PINX1: variants seen among roughly 807,000 people sequenced by gnomAD.
The protein encoded by PINX1 is PIN2/TERF1-interacting telomerase inhibitor 1.
In PINX1, 34 loss-of-function variants were observed where a neutral mutation model predicts 25.4. The observed-to-expected ratio is 1.34, with a 90% CI of 1.02 to 1.78. The LOEUF (loss-of-function observed/expected upper bound fraction) is 1.78, where lower values mean the gene tolerates loss of function less well. PINX1 is among the 40% of genes most tolerant of loss of function. PINX1 has a pLI of 0.00. For missense variants in PINX1, 592 were observed against 404.9 expected (o/e 1.46, Z -3.97); for synonymous variants, 197 against 147.7 (o/e 1.33, Z -2.42).
intron 6 of PINX1, among the ~76,000 whole-genome samples, chr8:10,773,286 C>CA (rs968848202): frequency 1.1e-4 from 17 of 152,324 alleles, no homozygotes; most frequent in African/African-American, 3.8e-4. Context: ...ACAAAGTCCT[C>CA]AAGCTCTGTC....
chr8:10,768,412 C>G (rs1374137672), intron 6 of PINX1, among the ~76,000 whole-genome samples: 1 of 152,164 alleles, frequency 6.6e-6, no homozygotes, highest in African/African-American at 2.4e-5. Flanking sequence ...AATACAAGAC[C>G]ATTTTTGAGT....
At chr8:10,834,840 A>G in intron 1 of PINX1, 65 bp from the exon 2 acceptor site, 1 of 1,089,082 alleles carries the variant, frequency 9.2e-7, no homozygotes, top group Non-Finnish European at 1.4e-6. Flanking sequence ...ACACAAACAT[A>G]CACATGCACA....
Position 10,765,695 on chromosome 8 carries a change from C to G in PINX1, c.693G>C (p.Lys231Asn). 1.2e-6 allele frequency: 2 copies of G among 1,614,012 alleles called. No individual in the cohort carries two copies. The highest frequency in any genetic ancestry group is 1.1e-5 in the South Asian group (1 of 91,088). ...GKDVESYLQP[K>N]AKRHTEGKPE... Reference sequence around the variant, plus strand: ...GCTTTCCCTCCGTGTGCCTCTTGGCCTTAGGCTGGAGGTAACTTTCCACAT... The same window carrying G: ...GCTTTCCCTCCGTGTGCCTCTTGGCGTTAGGCTGGAGGTAACTTTCCACAT... The change falls in exon 7 of 7, where the codon AAG becomes AAC. Residue 231 changes from lysine (K) to asparagine (N), a missense_variant. Coordinates refer to ENST00000314787, the MANE Select transcript of PINX1 (RefSeq NM_017884.6).
intron 6 of PINX1, among the ~76,000 whole-genome samples, chr8:10,814,960 G>C (rs1797654905): frequency 6.6e-6 from 1 of 152,058 alleles, no homozygotes; most frequent in South Asian, 2.1e-4. Flanking sequence ...GTTTTTTTGA[G>C]ACAGGGTCTC....
chr8:10,839,582 G>C (rs1382256231), intron 1 of PINX1, 156 bp downstream of exon 1: 4 of 720,240 alleles, frequency 5.6e-6, no homozygotes, highest in African/African-American at 5.4e-5. Flanking sequence ...TCTGCGGCGA[G>C]CAGGACAATC....
rs539430358 is a variant in PINX1, at chr8:10,796,913, C to CCCT, written c.471+23277_471+23279dup. On this transcript the variant is annotated intron_variant, in intron 6 of 6. Transcript: ENST00000314787. ...GTGACAATGACAACTATCAGCACTCCCCTCCTCCCAACCCAAACATCTACC... is the reference window on the plus strand; with the variant it reads ...GTGACAATGACAACTATCAGCACTCCCCTCCTCCTCCCAACCCAAACATCTACC... Among the ~76,000 whole-genome samples, 256 of 152,092 alleles carry CCCT rather than the reference C, an allele frequency of 1.7e-3. 3 individuals carry two copies. In the South Asian group the frequency reaches 0.018, roughly 11 times the overall value.
At chr8:10,817,523 T>C (rs1345377709) in intron 6 of PINX1, among the ~76,000 whole-genome samples, 3 of 152,162 alleles carry the variant, frequency 2.0e-5, no homozygotes, top group Non-Finnish European at 4.4e-5. Flanking sequence ...CAAAGATAAA[T>C]GTAGAGGTCA....
At chr8:10,816,592 A>G (rs909206308) in intron 6 of PINX1, among the ~76,000 whole-genome samples, 8 of 152,244 alleles carry the variant, frequency 5.3e-5, no homozygotes, top group African/African-American at 1.9e-4. Context: ...GACTACAGGT[A>G]AGGTAAAGAA....
intron 6 of PINX1, among the ~76,000 whole-genome samples, chr8:10,798,127 G>A (rs1025526643): frequency 3.9e-5 from 6 of 152,240 alleles, no homozygotes; most frequent in African/African-American, 7.2e-5. Context: ...TGGGATGTTT[G>A]TAGGACACGG....
Position 10,765,457 on chromosome 8 carries a change from C to A in PINX1, c.931G>T (p.Asp311Tyr). The A allele has an allele frequency of 6.2e-7, 1 of 1,613,012 alleles. No individual in the cohort carries two copies. Among genetic ancestry groups the A allele is most frequent in the Non-Finnish European group, 8.5e-7 (1 of 1,179,830 alleles). Reference protein sequence around the residue: ...KLQKPVEIAEDATLEETLVKK... With the variant: ...KLQKPVEIAEYATLEETLVKK... ...ACTAGCGTTTCTTCTAGTGTAGCGT[C>A]CTCTGCTATCTCTACTGGTTTTTGC... Residue 311 changes from aspartate to tyrosine, a missense_variant, in exon 7 of 7, where the codon GAC becomes TAC. Coordinates refer to ENST00000314787, the MANE Select transcript of PINX1 (RefSeq NM_017884.6).
chr8:10,771,062 T>G (rs958099253), intron 6 of PINX1: 9 of 152,246 alleles, frequency 5.9e-5, no homozygotes, highest in African/African-American at 1.7e-4. Context: ...CATCAGCCTG[T>G]GCTGGGTTAG....
intron 5 of PINX1, among the ~76,000 whole-genome samples, chr8:10,822,735 A>G (rs976872227): frequency 1.3e-5 from 2 of 152,048 alleles, no homozygotes; most frequent in South Asian, 2.1e-4. Context: ...ATTTGGAAAC[A>G]GTTTAGCAAT....
Position 10,786,471 on chromosome 8 carries a change from A to G in PINX1, c.472-20555T>C, listed in dbSNP as rs1801750486. Among the ~76,000 whole-genome samples, 4 of 152,168 alleles carry G rather than the reference A, an allele frequency of 2.6e-5. No homozygotes were observed. In the South Asian group the frequency reaches 6.2e-4, roughly 24 times the overall value. ...GCCAAGACAGTGTGAGCAGAACTATAACCCTGAGAAAGAAAGAAAAAGTCC... is the reference window on the plus strand; with the variant it reads ...GCCAAGACAGTGTGAGCAGAACTATGACCCTGAGAAAGAAAGAAAAAGTCC... On this transcript the variant is annotated intron_variant, in intron 6 of 6. Coordinates refer to ENST00000314787, the MANE Select transcript of PINX1 (RefSeq NM_017884.6).
intron 6 of PINX1, among the ~76,000 whole-genome samples, chr8:10,817,485 CTT>C (rs1797732878): frequency 1.3e-5 from 2 of 152,284 alleles, no homozygotes; most frequent in South Asian, 2.1e-4. Context: ...TAAAAGCAAA[CTT>C]AACATATGAA....
chr8:10,833,325 C>G (rs981295612), intron 2 of PINX1, among the ~76,000 whole-genome samples: 1 of 152,154 alleles, frequency 6.6e-6, no homozygotes, highest in Admixed American at 6.5e-5. Context: ...ACATAACCTA[C>G]GGGAGGAATT....
intron 6 of PINX1, among the ~76,000 whole-genome samples, chr8:10,768,359 C>T (rs1202705379): frequency 1.3e-5 from 2 of 152,306 alleles, no homozygotes; most frequent in East Asian, 1.9e-4. Context: ...TTTTAATCAC[C>T]GGAACTAATT....
At chr8:10,829,833 C>A (rs181293544) in intron 4 of PINX1, among the ~76,000 whole-genome samples, 10 of 152,204 alleles carry the variant, frequency 6.6e-5, no homozygotes, top group African/African-American at 2.2e-4. Flanking sequence ...TACAGGCATA[C>A]GCCACCACGC....
At chr8:10,788,713 T>G (rs1234884694) in intron 6 of PINX1, among the ~76,000 whole-genome samples, 2 of 152,178 alleles carry the variant, frequency 1.3e-5, no homozygotes, top group Non-Finnish European at 2.9e-5. Flanking sequence ...GGCAGTTCCA[T>G]TATCCTAGGA....
At chr8:10,778,654 C>A (rs984067390) in intron 6 of PINX1, among the ~76,000 whole-genome samples, 13 of 152,178 alleles carry the variant, frequency 8.5e-5, no homozygotes, top group Non-Finnish European at 1.9e-4. Flanking sequence ...AGACACGTGG[C>A]CGCTGTTAAA....
Sources: allele counts gnomAD v4.1 joint callset (sites outside exome capture counted in the v4.1 genomes callset), GRCh38; gene constraint gnomAD v4.1.1; transcripts MANE v1.5; gene names NCBI Gene and HGNC (gene_info 2026-07-23, HGNC 2026-07-21).